The following STK32A variants were observed in gnomAD, a reference collection of about 807,000 sequenced individuals.
STK32A encodes the protein serine/threonine kinase 32A.
Under a neutral mutation model 53.2 loss-of-function variants are expected in STK32A, and 41 were observed. The ratio of observed to expected loss-of-function variants is 0.77; its 90% CI spans 0.60 to 1.00. STK32A has a LOEUF of 1.00. STK32A is among the 50% of genes least tolerant of loss of function. The pLI is 0.00. For synonymous variants in STK32A, 166 were observed against 162.8 expected, an observed-to-expected ratio of 1.02 and a Z score of -0.15; for missense variants, 458 against 485.8, an observed-to-expected ratio of 0.94 and a Z score of 0.54.
chr5:147,324,090 G>T lies in STK32A; in HGVS notation c.434+19G>T. The T allele has an allele frequency of 2.5e-6, 4 of 1,585,092 alleles. No individual in the cohort carries two copies. Among genetic ancestry groups the T allele is most frequent in the Non-Finnish European group, 3.4e-6 (4 of 1,165,702 alleles). ...TTCACAGGTCAGTCAAGTCCAAGGAGATGGCCATGAACGTAACGCAAGGAG... is the reference window on the plus strand; with the variant it reads ...TTCACAGGTCAGTCAAGTCCAAGGATATGGCCATGAACGTAACGCAAGGAG... On this transcript the variant is annotated intron_variant, in intron 5 of 12. Coordinates refer to ENST00000397936, the MANE Select transcript of STK32A (RefSeq NM_001112724.2).
intron 2 of STK32A, among the ~76,000 whole-genome samples, chr5:147,254,878 G>T (rs1315326385): frequency 6.6e-6 from 1 of 152,070 alleles, no homozygotes; most frequent in Admixed American, 6.5e-5. Flanking sequence ...GGTGGCTCAC[G>T]CCTGTAATCC....
At chr5:147,302,796 A>G (rs183435670) in intron 4 of STK32A, among the ~76,000 whole-genome samples, 17 of 152,294 alleles carry the variant, frequency 1.1e-4, no homozygotes, top group African/African-American at 3.6e-4. Context: ...TGTCAAAATC[A>G]ATTTAGAAGA....
chr5:147,358,187 T>C (rs575100146), intron 7 of STK32A, among the ~76,000 whole-genome samples: 30 of 152,250 alleles, frequency 2.0e-4, no homozygotes, highest in Non-Finnish European at 2.8e-4. Flanking sequence ...TATTAAAATG[T>C]AGTCAAGCTT....
the STK32A span, chr5:147,392,940 G>T: frequency 2.0e-5 from 3 of 152,158 alleles, no homozygotes; most frequent in African/African-American, 7.2e-5. Flanking sequence ...AAAAATTAGG[G>T]AACACCTAAT....
chr5:147,305,579 A>G (rs1364401522), intron 4 of STK32A, among the ~76,000 whole-genome samples: 1 of 152,118 alleles, frequency 6.6e-6, no homozygotes, highest in Non-Finnish European at 1.5e-5. Context: ...CAAAAGACCA[A>G]AGGGAGTAAA....
At chr5:147,288,777 A>T (rs1467149265) in intron 4 of STK32A, among the ~76,000 whole-genome samples, 2 of 152,166 alleles carry the variant, frequency 1.3e-5, no homozygotes, top group Non-Finnish European at 2.9e-5. Flanking sequence ...CACCTCCAGC[A>T]TTGGGGATTA....
intron 11 of STK32A, among the ~76,000 whole-genome samples, chr5:147,376,831 G>A (rs1002757575): frequency 1.3e-4 from 20 of 152,204 alleles, no homozygotes; most frequent in African/African-American, 4.3e-4. Context: ...ATTATAGGAT[G>A]TTTTTTACAT....
At chr5:147,292,715 G>A (rs529128187) in intron 4 of STK32A, among the ~76,000 whole-genome samples, 4 of 152,196 alleles carry the variant, frequency 2.6e-5, no homozygotes, top group East Asian at 3.9e-4. Flanking sequence ...TACAAAATTA[G>A]CCAGACGTGG....
At chr5:147,252,737 C>T (rs1580990616) in intron 2 of STK32A, among the ~76,000 whole-genome samples, 1 of 152,294 alleles carries the variant, frequency 6.6e-6, no homozygotes, top group Non-Finnish European at 1.5e-5. Context: ...AACCCCATCT[C>T]CATTCTAGCA....
At chr5:147,327,017 C>T (rs1312648145) in intron 5 of STK32A, among the ~76,000 whole-genome samples, 1 of 152,198 alleles carries the variant, frequency 6.6e-6, no homozygotes, top group African/African-American at 2.4e-5. Context: ...CCATGCCCAG[C>T]TTCAAATAGA....
At chr5:147,259,666 T>G (rs1047869640) in intron 2 of STK32A, among the ~76,000 whole-genome samples, 2 of 152,134 alleles carry the variant, frequency 1.3e-5, no homozygotes, top group African/African-American at 4.8e-5. Context: ...TAGGGTACAC[T>G]GTTTTTTCTT....
At chr5:147,359,689 G>A (rs1756406834) in intron 7 of STK32A, among the ~76,000 whole-genome samples, 1 of 152,114 alleles carries the variant, frequency 6.6e-6, no homozygotes. Flanking sequence ...CCTGTCTGTG[G>A]GAGTAGTGTG....
At chr5:147,288,312 TTCTTCC>T (rs1188853493) in intron 4 of STK32A, among the ~76,000 whole-genome samples, 6 of 152,248 alleles carry the variant, frequency 3.9e-5, no homozygotes, top group African/African-American at 1.2e-4. Context: ...ATCTGTATCA[TTCTTCC>T]TAATAAATGC....
At chr5:147,351,303 TAGCA>T in intron 7 of STK32A, 149 bp downstream of exon 7, 1 of 656,296 alleles carries the variant, frequency 1.5e-6, no homozygotes, top group East Asian at 2.7e-5. Flanking sequence ...TCTTCTCCAC[TAGCA>T]AGCACCCAAG....
chr5:147,369,261 G>A (rs1360628134), intron 8 of STK32A, among the ~76,000 whole-genome samples: 1 of 152,054 alleles, frequency 6.6e-6, no homozygotes, highest in African/African-American at 2.4e-5. Context: ...CCTTTCAAGG[G>A]CCACCTCCTG....
At chr5:147,344,602 G>C (rs1755595218) in intron 6 of STK32A, among the ~76,000 whole-genome samples, 1 of 152,192 alleles carries the variant, frequency 6.6e-6, no homozygotes, top group Non-Finnish European at 1.5e-5. Flanking sequence ...GAGAGACCCT[G>C]TTTCTTGTTG....
chr5:147,350,329 G>T (rs559332673), intron 6 of STK32A, among the ~76,000 whole-genome samples: 219 of 151,700 alleles, frequency 1.4e-3, no homozygotes, highest in African/African-American at 5.1e-3. Flanking sequence ...CCATATTCAT[G>T]CCAGTTTTGT....
chr5:147,286,982 T>A (rs1752376287), intron 4 of STK32A, among the ~76,000 whole-genome samples: 1 of 152,130 alleles, frequency 6.6e-6, no homozygotes, highest in African/African-American at 2.4e-5. Context: ...TACGAAGCAC[T>A]TTCTCCCTTA....
intron 2 of STK32A, 125 bp from the exon 3 acceptor site, chr5:147,277,999 A>G: frequency 1.3e-6 from 1 of 775,914 alleles, no homozygotes. Context: ...TTAGATTGGC[A>G]TTTTAAGGTA....
Sources: allele counts gnomAD v4.1 joint callset (sites outside exome capture counted in the v4.1 genomes callset), GRCh38; gene constraint gnomAD v4.1.1; transcripts MANE v1.5; gene names NCBI Gene and HGNC (gene_info 2026-07-23, HGNC 2026-07-21).